Variants in ZNF217 observed in about 807,000 individuals in gnomAD.
The protein encoded by ZNF217 is zinc finger protein 217.
In ZNF217, 12 loss-of-function variants were observed where a neutral mutation model predicts 73.3. That is an observed-to-expected ratio of 0.16 (90% confidence interval 0.10 to 0.27). The LOEUF is 0.27. Among genes scored for constraint, ZNF217 ranks in the 10% least tolerant of loss-of-function variants. The pLI is 1.00. For synonymous variants in ZNF217, 588 were observed against 516.4 expected (o/e 1.14, Z -1.88); for missense variants, 1,195 against 1,327.8 (o/e 0.90, Z 1.55).
upstream of ZNF217, chr20:53,597,566 C>A (rs2145994792): frequency 6.6e-6 from 1 of 150,798 alleles, no homozygotes; most frequent in African/African-American, 2.4e-5. Flanking sequence ...TGTAAAGTAT[C>A]ACAATAATAT....
intron 2 of ZNF217, among the ~76,000 whole-genome samples, chr20:53,578,752 G>C (rs1988378388): frequency 6.6e-6 from 1 of 152,144 alleles, no homozygotes. Flanking sequence ...AGACTGAATT[G>C]CCCGGGCAGC....
upstream of ZNF217, among the ~76,000 whole-genome samples, chr20:53,597,299 C>T (rs1189134127): frequency 3.9e-5 from 6 of 151,900 alleles, no homozygotes; most frequent in Admixed American, 6.6e-5. Flanking sequence ...AACATAGATA[C>T]GGGACGTAAA....
rs1338350955 is a variant in ZNF217 at position 53,582,514 on chromosome 20, G to C, written c.313C>G (p.Leu105Val). The C allele has an allele frequency of 1.9e-6, 3 of 1,614,188 alleles. No individual in the cohort carries two copies. The highest frequency in any genetic ancestry group is 2.5e-6 in the Non-Finnish European group (3 of 1,180,044). ...ACTTGACTTTTATCAAGCGGACTGA[G>C]ATACTCTGCTTCAACCCGAAGAACT... Reference protein sequence around the residue: ...PAVLRVEAEYLSPLDKSQVRT... With the variant: ...PAVLRVEAEYVSPLDKSQVRT... Residue 105 changes from leucine (L) to valine (V), a missense_variant, in exon 2 of 6, where the codon CTC becomes GTC. Transcript: ENST00000371471. This position sits in a 1 kb window ranked among gnomAD's most constrained non-coding sequence, Gnocchi z 4.8.
Position 53,568,989 on chromosome 20 carries a change from A to T in ZNF217, c.*299T>A. 1.7e-6 allele frequency: 1 copy of T among 578,740 alleles called. No individual in the cohort carries two copies. The highest frequency in any genetic ancestry group is 6.7e-5 in the South Asian group (1 of 14,894). 35.9% of individuals were successfully genotyped at this position (578,740 alleles called of 1,614,324 possible). On this transcript the variant is annotated 3_prime_UTR_variant, in exon 6 of 6. Transcript: ENST00000371471. ...CAAGTATGCAAAAATTCCACTTCTTATTTGGTCAATTCTAAGAAAAATATT... is the reference window on the plus strand; with the variant it reads ...CAAGTATGCAAAAATTCCACTTCTTTTTTGGTCAATTCTAAGAAAAATATT...
rs1378840638 is a variant in ZNF217, at chr20:53,576,743, C to T, written c.2021G>A (p.Cys674Tyr). ...ACAATCCACACTTGGCCTGTATCTG[C>T]AGTCAGCTGCGGTCTCCGTTTGCTT... is the stretch of plus-strand genomic sequence containing the variant. ...KEKQTETAAD[C>Y]RYRPSVDCHE... Residue 674 changes from cysteine to tyrosine, a missense_variant, in exon 4 of 6, where the codon TGC (cysteine) becomes TAC (tyrosine). Coordinates refer to ENST00000371471, the MANE Select transcript of ZNF217 (RefSeq NM_006526.3). The T allele has an allele frequency of 6.2e-7, 1 of 1,614,214 alleles. No homozygotes were observed. Among genetic ancestry groups the T allele is most frequent in the Admixed American group, 1.7e-5 (1 of 60,024 alleles).
chr20:53,569,070 C>T lies in ZNF217; in HGVS notation c.*218G>A. On this transcript the variant is annotated 3_prime_UTR_variant, in exon 6 of 6. Coordinates refer to ENST00000371471, the MANE Select transcript of ZNF217 (RefSeq NM_006526.3). ...CCATGTATGTAAGTTCCAACTGTTC[C>T]AACTAGTTTGTATTGCTATTTGGTA... is the stretch of plus-strand genomic sequence containing the variant. 5.1e-6 allele frequency: 6 copies of T among 1,185,366 alleles called. No individual in the cohort carries two copies. The highest frequency in any genetic ancestry group is 7.0e-5 in the East Asian group (1 of 14,286). 73.4% of individuals were successfully genotyped at this position (1,185,366 alleles called of 1,614,324 possible).
Position 53,576,650 on chromosome 20 carries a change from C to G in ZNF217, c.2114G>C (p.Ser705Thr). The G allele has an allele frequency of 6.2e-7, 1 of 1,614,226 alleles. No individual in the cohort carries two copies. Among genetic ancestry groups the G allele is most frequent in the Non-Finnish European group, 8.5e-7 (1 of 1,180,040 alleles). The change falls in exon 4 of 6, where the codon AGT becomes ACT. Residue 705 changes from serine (S) to threonine (T), a missense_variant. Transcript: ENST00000371471. ...TGGACAGGTGATACTTGGAATCAAA[C>G]TTTTACTCAAAGAAATTGCCGGGCA... ...HNCPAISLSK[S>T]LIPSITCPFC...
intron 4 of ZNF217, among the ~76,000 whole-genome samples, chr20:53,573,373 C>T (rs1194867984): frequency 6.6e-6 from 1 of 152,190 alleles, no homozygotes; most frequent in East Asian, 1.9e-4. Flanking sequence ...GCGTGAGCCA[C>T]CGCAACTGGC....
chr20:53,580,032 C>T (rs145977283), intron 2 of ZNF217, among the ~76,000 whole-genome samples: 12 of 152,320 alleles, frequency 7.9e-5, no homozygotes, highest in African/African-American at 2.6e-4. Context: ...GCAACAGTAC[C>T]GGCACTAGCA....
Position 53,575,631 on chromosome 20 carries a change from C to A in ZNF217, c.3037+96G>T, listed in dbSNP as rs545712309. 161 of 1,249,598 alleles carry A rather than the reference C, an allele frequency of 1.3e-4. 1 individual carries two copies. The South Asian group carries it at 1.7e-3, about 13-fold the overall frequency. 77.4% of individuals were successfully genotyped at this position (1,249,598 alleles called of 1,614,324 possible). On this transcript the variant is annotated intron_variant, in intron 4 of 5. Coordinates refer to ENST00000371471, the MANE Select transcript of ZNF217 (RefSeq NM_006526.3). ...CAAGAACTTCTGGCTGCCTACCCCC[C>A]ACCCTTGGGAGTGGTACCATCTCCA...
intron 1 of ZNF217, among the ~76,000 whole-genome samples, chr20:53,590,152 T>C (rs557319746): frequency 6.6e-5 from 10 of 152,364 alleles, no homozygotes; most frequent in African/African-American, 2.4e-4. Context: ...TAAAATCTTA[T>C]TACATTTATT....
chr20:53,593,396 C>T (rs1724216737), intron 1 of ZNF217, among the ~76,000 whole-genome samples: 1 of 152,116 alleles, frequency 6.6e-6, no homozygotes, highest in African/African-American at 2.4e-5. Context: ...GAGACCCGCC[C>T]CGCGGGGCGA....
At chr20:53,597,382 G>C (rs936637490), upstream of ZNF217, among the ~76,000 whole-genome samples, 2 of 152,112 alleles carry the variant, frequency 1.3e-5, no homozygotes, top group Non-Finnish European at 2.9e-5. Context: ...ACATGAAAAA[G>C]TTAGGCAAAC....
chr20:53,578,574 A>G, intron 2 of ZNF217, 124 bp from the exon 3 acceptor site: 1 of 605,006 alleles, frequency 1.7e-6, no homozygotes, highest in Non-Finnish European at 2.9e-6. Context: ...TTTATATAAC[A>G]TCGGGTTAGA....
chr20:53,584,701 A>G (rs1172183163), intron 1 of ZNF217, among the ~76,000 whole-genome samples: 1 of 152,252 alleles, frequency 6.6e-6, no homozygotes, highest in African/African-American at 2.4e-5. Context: ...TGGCCTTTAC[A>G]GTTCCAATAT....
At chr20:53,571,546 A>C (rs916704686) in intron 5 of ZNF217, among the ~76,000 whole-genome samples, 175 bp downstream of exon 5, 2 of 151,842 alleles carry the variant, frequency 1.3e-5, no homozygotes, top group Non-Finnish European at 2.9e-5. Flanking sequence ...CTGGGACTAC[A>C]GGCACCCGCC....
At chr20:53,592,757 G>T (rs2145985536) in intron 1 of ZNF217, among the ~76,000 whole-genome samples, 1 of 151,284 alleles carries the variant, frequency 6.6e-6, no homozygotes, top group African/African-American at 2.4e-5. Context: ...TCGCAGTCGG[G>T]GCCAAATCGA....
chr20:53,591,211 C>T (rs1478411832), intron 1 of ZNF217, among the ~76,000 whole-genome samples: 1 of 152,090 alleles, frequency 6.6e-6, no homozygotes, highest in Non-Finnish European at 1.5e-5. Context: ...ACTTCGATCT[C>T]ACAAGTTACT....
Position 53,593,741 on chromosome 20 carries a change from G to A in ZNF217, c.-343+15C>T, listed in dbSNP as rs902725730. On this transcript the variant is annotated intron_variant, in intron 1 of 5. Coordinates refer to ENST00000371471, the MANE Select transcript of ZNF217 (RefSeq NM_006526.3). ...GCGCCCCGGCTGGCGCGGGCGGGGG[G>A]CGCGCCCCCTTTACCTGCGGCTCCG... 6.6e-6 allele frequency: 1 copy of A among 151,048 alleles called. No homozygotes were observed. The highest frequency in any genetic ancestry group is 6.6e-5 in the Admixed American group (1 of 15,210). The allele number at this position is 151,048 out of a possible 1,614,324, so 9.4% of individuals were successfully genotyped here. A position where few individuals can be genotyped will look rare whatever the true frequency, so the allele number is the denominator to read the frequency against.
Sources: gnomAD v4.1 joint callset for allele counts (sites outside exome capture counted in the v4.1 genomes callset) on GRCh38, gnomAD v4.1.1 for gene constraint, Gnocchi (gnomAD v3.1) non-coding constraint, MANE v1.5 for transcripts, NCBI Gene and HGNC (gene_info 2026-07-23, HGNC 2026-07-21) for gene names.